Variants in TSEN54 observed in about 807,000 individuals in gnomAD.
The protein encoded by TSEN54 is tRNA-splicing endonuclease subunit Sen54.
In TSEN54, 55 loss-of-function variants were observed where a neutral mutation model predicts 61.9. The observed-to-expected ratio is 0.89, with a 90% CI of 0.72 to 1.11. The LOEUF is 1.11. TSEN54 is among the 50% of genes most tolerant of loss of function. The pLI, the probability that TSEN54 is intolerant of heterozygous loss-of-function variation, is 0.00. For synonymous variants in TSEN54, 304 were observed against 288.7 expected (o/e 1.05, Z -0.54); for missense variants, 760 against 687.7 (o/e 1.11, Z -1.18).
intron 6 of TSEN54, among the ~76,000 whole-genome samples, chr17:75,520,585 C>CAAAAAAA (rs200508248): frequency 2.3e-5 from 3 of 131,740 alleles, no homozygotes; most frequent in African/African-American, 8.8e-5. Flanking sequence ...AACTCTATCT[C>CAAAAAAA]AAAAAAAAAA....
At position 75,516,915 on chromosome 17, in the gene TSEN54, G is replaced by A; in HGVS notation, c.221+5G>A. On this transcript the variant is annotated splice_donor_5th_base_variant and intron_variant, in intron 2 of 10. Coordinates refer to ENST00000333213, the MANE Select transcript of TSEN54 (RefSeq NM_207346.3). ...AGAGCAGCGCGTGGAGCGCCTGTGAGAGGGGCGGGCCCAGGGGTAAGGGAA... is the reference window on the plus strand; with the variant it reads ...AGAGCAGCGCGTGGAGCGCCTGTGAAAGGGGCGGGCCCAGGGGTAAGGGAA... 1 of 1,543,540 alleles carries A rather than the reference G, an allele frequency of 6.5e-7. No individual in the cohort carries two copies. The highest frequency in any genetic ancestry group is 8.7e-7 in the Non-Finnish European group (1 of 1,146,470).
At chr17:75,523,144 A>C in intron 8 of TSEN54, 131 bp from the exon 9 acceptor site, 1 of 1,190,816 alleles carries the variant, frequency 8.4e-7, no homozygotes, top group Non-Finnish European at 1.2e-6. Flanking sequence ...ACGCCACTAT[A>C]CTCCAGCCTG....
intron 4 of TSEN54, 94 bp from the exon 5 acceptor site, chr17:75,517,463 G>C (rs1250081196): frequency 5.7e-6 from 7 of 1,235,240 alleles, no homozygotes; most frequent in African/African-American, 1.5e-5. Context: ...CTGCTGAGAG[G>C]GGGAGGGGGA....
At chr17:75,518,588 A>G (rs1003057960) in intron 5 of TSEN54, 1 of 985,360 alleles carries the variant, frequency 1.0e-6, no homozygotes, top group Non-Finnish European at 1.2e-6. Flanking sequence ...CCTACCAGAA[A>G]CTTCCCACCG....
At chr17:75,519,556 C>T (rs1186431279) in intron 6 of TSEN54, among the ~76,000 whole-genome samples, 1 of 152,152 alleles carries the variant, frequency 6.6e-6, no homozygotes, top group African/African-American at 2.4e-5. Flanking sequence ...AGCTCTAAAG[C>T]AGGCACATCT....
chr17:75,518,530 A>G (rs757993230), intron 5 of TSEN54: 139 of 985,262 alleles, frequency 1.4e-4, no homozygotes, highest in Admixed American at 1.8e-4. Flanking sequence ...ATTCTTATCT[A>G]TGTTCCTCTG....
intron 8 of TSEN54, 151 bp downstream of exon 8, chr17:75,522,484 C>T (rs941028743): frequency 3.7e-5 from 55 of 1,495,066 alleles, no homozygotes; most frequent in Admixed American, 6.1e-5. Flanking sequence ...AGTTCTCCGG[C>T]GGCTGCAGCA....
chr17:75,517,503 C>T (rs2053385639), intron 4 of TSEN54, 54 bp from the exon 5 acceptor site: 1 of 1,509,134 alleles, frequency 6.6e-7, no homozygotes, highest in Non-Finnish European at 9.2e-7. Context: ...TGCCCCATTC[C>T]TCTGTGGCAC....
Position 75,522,621 on chromosome 17 carries a change from C to T in TSEN54, c.1252+288C>T, listed in dbSNP as rs934326732. 32 of 1,166,886 alleles carry T rather than the reference C, an allele frequency of 2.7e-5. No individual in the cohort carries two copies. In the African/African-American group the frequency reaches 3.9e-4, roughly 14 times the overall value. The allele number at this position is 1,166,886 out of a possible 1,614,324, so 72.3% of individuals were successfully genotyped here. ...GGCTTTGCCACCAACTAGCTGTGAT[C>T]CCAACCTGTTAGATGGGAAAAGGAG... On this transcript the variant is annotated intron_variant, in intron 8 of 10. Coordinates refer to ENST00000333213, the MANE Select transcript of TSEN54 (RefSeq NM_207346.3).
chr17:75,523,401 G>C, intron 9 of TSEN54, 66 bp downstream of exon 9: 1 of 1,612,366 alleles, frequency 6.2e-7, no homozygotes, highest in Admixed American at 1.7e-5. Flanking sequence ...TTAGGAACTG[G>C]CTCCTGAAGT....
At chr17:75,522,483 G>A (rs1471332251) in intron 8 of TSEN54, 150 bp downstream of exon 8, 7 of 1,496,496 alleles carry the variant, frequency 4.7e-6, no homozygotes, top group Non-Finnish European at 6.2e-6. Context: ...CAGTTCTCCG[G>A]CGGCTGCAGC....
In TSEN54 at chr17:75,516,925, C is replaced by T. The variant is rs1227952055; in HGVS notation, c.221+15C>T. The T allele has an allele frequency of 6.5e-7, 1 of 1,543,552 alleles. No homozygotes were observed. The highest frequency in any genetic ancestry group is 8.7e-7 in the Non-Finnish European group (1 of 1,146,072). On this transcript the variant is annotated intron_variant, in intron 2 of 10. Transcript: ENST00000333213. The stretch of plus-strand genomic sequence containing the variant: ...GTGGAGCGCCTGTGAGAGGGGCGGG[C>T]CCAGGGGTAAGGGAAGCGGGGGCGA...
At chr17:75,519,961 ATATT>A (rs1276311375) in intron 6 of TSEN54, among the ~76,000 whole-genome samples, 5 of 152,172 alleles carry the variant, frequency 3.3e-5, no homozygotes, top group Non-Finnish European at 7.3e-5. Flanking sequence ...ATGATCAACG[ATATT>A]TATTATTTGC....
Position 75,524,670 on chromosome 17 carries a change from G to C in TSEN54, c.*258G>C. ...GGTGGGGCAGAAGAGAGGACTGTGT[G>C]CCTTTAACGAGAGGGTGCCTGCTTC... On this transcript the variant is annotated 3_prime_UTR_variant, in exon 11 of 11. Coordinates refer to ENST00000333213, the MANE Select transcript of TSEN54 (RefSeq NM_207346.3). 3.5e-6 allele frequency: 2 copies of C among 578,252 alleles called. No individual in the cohort carries two copies. The highest frequency in any genetic ancestry group is 6.2e-6 in the Non-Finnish European group (2 of 321,440). The allele number at this position is 578,252 out of a possible 1,614,324, so 35.8% of individuals were successfully genotyped here.
In TSEN54 at chr17:75,523,342, T is replaced by C. The variant is rs1338860498; in HGVS notation, c.1313+7T>C. On this transcript the variant is annotated splice_region_variant and intron_variant, in intron 9 of 10. Transcript: ENST00000333213. ...TTCCTGATGGAGGTGCCCGGTAAGT[T>C]TCCAAGCAGTGCCGTCTCTGCAGTA... 1.2e-6 allele frequency: 2 copies of C among 1,613,990 alleles called. No individual in the cohort carries two copies. The highest frequency in any genetic ancestry group is 1.7e-6 in the Non-Finnish European group (2 of 1,179,996).
chr17:75,522,224 C>A lies in TSEN54; in HGVS notation c.1143C>A (p.Tyr381Ter). 1.3e-6 allele frequency: 2 copies of A among 1,549,110 alleles called. No homozygotes were observed. Among genetic ancestry groups the A allele is most frequent in the Non-Finnish European group, 1.7e-6 (2 of 1,145,930 alleles). The change falls in exon 8 of 11, where the codon TAC (tyrosine) becomes TAA (stop). Residue 381 changes from tyrosine (Y) to a stop codon, truncating the protein, a stop_gained. Coordinates refer to ENST00000333213, the MANE Select transcript of TSEN54 (RefSeq NM_207346.3). LOFTEE classifies it high-confidence loss of function. ...EVQRCSSWRE[Y>*]KELLQRRQVQ... ...AGCGGTGCTCCAGCTGGCGGGAGTA[C>A]AAGGAGCTGCTGCAGCGGCGGCAGG...
intron 9 of TSEN54, 50 bp downstream of exon 9, chr17:75,523,385 T>A: frequency 6.2e-7 from 1 of 1,613,252 alleles, no homozygotes; most frequent in Non-Finnish European, 8.5e-7. Flanking sequence ...CGCCAGGAGT[T>A]GGTGGTTAGG....
In TSEN54 at chr17:75,516,545, G is replaced by C. The variant is rs1387111211; in HGVS notation, c.-16G>C. 2.7e-6 allele frequency: 3 copies of C among 1,119,600 alleles called. No homozygotes were observed. Among genetic ancestry groups the C allele is most frequent in the Non-Finnish European group, 3.3e-6 (3 of 918,480 alleles). 69.4% of individuals were successfully genotyped at this position (1,119,600 alleles called of 1,614,324 possible). A position where few individuals can be genotyped will look rare whatever the true frequency, so the allele number is the denominator to read the frequency against. ...GGCGGGGCGTGGCGGCGCGCGCAGC[G>C]GCAGGCGGCGGCGGGATGGAGCCCG... is the stretch of plus-strand genomic sequence containing the variant. On this transcript the variant is annotated 5_prime_UTR_variant, in exon 1 of 11. Transcript: ENST00000333213.
chr17:75,522,400 G>C (rs894223517), intron 8 of TSEN54, 67 bp downstream of exon 8: 5 of 1,535,958 alleles, frequency 3.3e-6, no homozygotes, highest in Non-Finnish European at 4.4e-6. Context: ...ACTTTGGAAA[G>C]GGCATGGATG....
Sources: gnomAD v4.1 joint callset for allele counts (sites outside exome capture counted in the v4.1 genomes callset) on GRCh38, gnomAD v4.1.1 for gene constraint, MANE v1.5 for transcripts, NCBI Gene and HGNC (gene_info 2026-07-23, HGNC 2026-07-21) for gene names.